NLGN1: variants seen among roughly 807,000 people sequenced by gnomAD.
NLGN1 encodes the protein neuroligin 1, also known as neuroligin-1.
NLGN1 carries 12 observed loss-of-function variants against 65.5 expected under a neutral mutation model. That is an observed-to-expected ratio of 0.18 (90% CI 0.12 to 0.30). The LOEUF (loss-of-function observed/expected upper bound fraction) is 0.30, where lower values mean the gene tolerates loss of function less well. NLGN1 is among the 10% of genes least tolerant of loss of function. The pLI is 1.00. For missense variants in NLGN1, 750 were observed against 1,007.1 expected, an observed-to-expected ratio of 0.74 and a Z score of 3.46; for synonymous variants, 350 against 359.5, an observed-to-expected ratio of 0.97 and a Z score of 0.30.
chr3:173,839,095 T>TTA (rs1299751749), intron 4 of NLGN1, among the ~76,000 whole-genome samples: 2 of 148,620 alleles, frequency 1.3e-5, no homozygotes, highest in African/African-American at 5.1e-5. Context: ...TGGATGACTT[T>TTA]TTTTTTTTTT....
At chr3:174,226,217 A>G (rs1451401563) in intron 4 of NLGN1, among the ~76,000 whole-genome samples, 2 of 152,134 alleles carry the variant, frequency 1.3e-5, no homozygotes, top group African/African-American at 4.8e-5. Flanking sequence ...ATGAGTGCCA[A>G]AAAAGTACAT....
Position 173,706,177 on chromosome 3 carries a change from C to G in NLGN1, c.493+101086C>G, listed in dbSNP as rs575989063. ...AAATTGTTTATGATTTGGTATATAC[C>G]TTTCCATACTTTTCATGCTCATGTA... On this transcript the variant is annotated intron_variant, in intron 3 of 6. Coordinates refer to ENST00000457714, the Ensembl canonical transcript of NLGN1. 2.6e-5 allele frequency among the ~76,000 whole-genome samples: 4 copies of G among 152,074 alleles called. No individual in the cohort carries two copies. In the South Asian group the frequency reaches 8.3e-4, roughly 32 times the overall value.
intron 2 of NLGN1, among the ~76,000 whole-genome samples, chr3:173,595,263 T>C (rs1749259467): frequency 6.6e-6 from 1 of 152,182 alleles, no homozygotes; most frequent in Admixed American, 6.5e-5. Flanking sequence ...CTTGAATGCT[T>C]TGCTGCTTAG....
intron 4 of NLGN1, among the ~76,000 whole-genome samples, chr3:173,991,313 A>G (rs1431688735): frequency 6.6e-6 from 1 of 152,208 alleles, no homozygotes; most frequent in East Asian, 1.9e-4. Flanking sequence ...AAAACATATT[A>G]TCTATATGAC....
chr3:173,422,927 G>GA (rs1715379092), intron 1 of NLGN1, among the ~76,000 whole-genome samples: 1 of 152,154 alleles, frequency 6.6e-6, no homozygotes. Flanking sequence ...CTGCTATAAA[G>GA]ATACTATCTG....
intron 4 of NLGN1, among the ~76,000 whole-genome samples, chr3:174,141,120 A>T (rs1376304309): frequency 2.0e-5 from 3 of 152,102 alleles, no homozygotes; most frequent in African/African-American, 7.2e-5. Flanking sequence ...TTTCTTTAGT[A>T]ATTAAGTACT....
intron 4 of NLGN1, among the ~76,000 whole-genome samples, chr3:173,946,018 A>G (rs1026525723): frequency 6.6e-6 from 1 of 152,232 alleles, no homozygotes; most frequent in Admixed American, 6.5e-5. Context: ...GCATATGTTT[A>G]TGTGTCTGTG....
At chr3:174,004,624 T>G (rs754256299) in intron 4 of NLGN1, among the ~76,000 whole-genome samples, 2 of 152,174 alleles carry the variant, frequency 1.3e-5, no homozygotes, top group Non-Finnish European at 2.9e-5. Context: ...TGTGGATCTA[T>G]GTTGGCTTCT....
intron 2 of NLGN1, among the ~76,000 whole-genome samples, chr3:173,493,214 A>T (rs1020183754): frequency 6.6e-6 from 1 of 151,794 alleles, no homozygotes; most frequent in Non-Finnish European, 1.5e-5. Flanking sequence ...CAAGTCACAC[A>T]GCTATTGAGC....
In NLGN1 at chr3:173,686,412, AAT is replaced by A. The variant is rs527720382; in HGVS notation, c.493+81322_493+81323del. Among the ~76,000 whole-genome samples the A allele has an allele frequency of 5.3e-5, 8 of 152,136 alleles. No homozygotes were observed. In the South Asian group the frequency reaches 1.7e-3, roughly 32 times the overall value. The stretch of plus-strand genomic sequence containing the variant: ...TTTGATTTTATTATACTTCTCCTTA[AAT>A]TAGAATTACTGTATCAAAGTTTTTG... On this transcript the variant is annotated intron_variant, in intron 3 of 6. Coordinates refer to ENST00000457714, the Ensembl canonical transcript of NLGN1.
intron 2 of NLGN1, among the ~76,000 whole-genome samples, chr3:173,481,642 A>G (rs1727301300): frequency 6.9e-6 from 1 of 145,878 alleles, no homozygotes; most frequent in African/African-American, 2.6e-5. Context: ...GTAATTTATT[A>G]TATCAGATAA....
At chr3:173,519,274 G>A (rs1340942877) in intron 2 of NLGN1, among the ~76,000 whole-genome samples, 2 of 152,236 alleles carry the variant, frequency 1.3e-5, no homozygotes, top group Non-Finnish European at 2.9e-5. Flanking sequence ...GGGCAGCATG[G>A]TGGGGAAATG....
At chr3:173,727,721 C>T (rs1772040696) in intron 3 of NLGN1, among the ~76,000 whole-genome samples, 2 of 152,136 alleles carry the variant, frequency 1.3e-5, no homozygotes, top group African/African-American at 4.8e-5. Context: ...AGGAAACATT[C>T]TGGCTCCTTT....
At chr3:173,963,466 T>A (rs999606086) in intron 4 of NLGN1, among the ~76,000 whole-genome samples, 1 of 152,174 alleles carries the variant, frequency 6.6e-6, no homozygotes, top group African/African-American at 2.4e-5. Flanking sequence ...CTACCCGTTC[T>A]ATGTACGGAT....
At chr3:173,788,878 C>T (rs1711944468) in intron 3 of NLGN1, among the ~76,000 whole-genome samples, 1 of 143,200 alleles carries the variant, frequency 7.0e-6, no homozygotes, top group South Asian at 2.2e-4. Context: ...GATTCCAGAA[C>T]CTGTGTTCTT....
At position 173,691,531 on chromosome 3, in the gene NLGN1, A is replaced by G. The variant is rs114020958; in HGVS notation, c.493+86440A>G. Among the ~76,000 whole-genome samples the G allele has an allele frequency of 3.8e-3, 571 of 152,258 alleles. 3 individuals carry two copies. The highest frequency in any genetic ancestry group is 0.017 in the Middle Eastern group (5 of 294). On this transcript the variant is annotated intron_variant, in intron 3 of 6. Transcript: ENST00000457714. ...TATGTTTTTGTGTACTCCATTTAGCATTCATCTAGGTTCATGTGTGTTTAA... is the reference window on the plus strand; with the variant it reads ...TATGTTTTTGTGTACTCCATTTAGCGTTCATCTAGGTTCATGTGTGTTTAA...
intron 4 of NLGN1, among the ~76,000 whole-genome samples, chr3:174,013,468 A>T (rs1367732992): frequency 1.3e-5 from 2 of 152,228 alleles, no homozygotes; most frequent in East Asian, 3.8e-4. Flanking sequence ...ACTCAAAAGC[A>T]GTTATGTCAG....
intron 2 of NLGN1, among the ~76,000 whole-genome samples, chr3:173,442,538 A>G (rs1719400861): frequency 6.6e-6 from 1 of 152,194 alleles, no homozygotes; most frequent in Non-Finnish European, 1.5e-5. Context: ...TTGTTAGCAT[A>G]TAAATGACTG....
At chr3:174,268,266 C>G (rs1365579263) in intron 4 of NLGN1, among the ~76,000 whole-genome samples, 1 of 152,126 alleles carries the variant, frequency 6.6e-6, no homozygotes. Flanking sequence ...GTTATTCAAA[C>G]TGCACAGGAA....
Sources: allele counts gnomAD v4.1 joint callset (sites outside exome capture counted in the v4.1 genomes callset), GRCh38; gene constraint gnomAD v4.1.1; transcripts MANE v1.5; gene names NCBI Gene and HGNC (gene_info 2026-07-23, HGNC 2026-07-21).